Variants in ARHGAP15 observed in about 807,000 individuals in gnomAD.
The protein encoded by ARHGAP15 is Rho GTPase activating protein 15, also known as rho GTPase-activating protein 15.
A neutral mutation model predicts 63.7 loss-of-function variants in ARHGAP15; 51 were observed. That is an observed-to-expected ratio of 0.80 (90% CI 0.64 to 1.01). The LOEUF is 1.01. Ranked by LOEUF, ARHGAP15 falls within the 50% of genes least tolerant of loss-of-function variation. ARHGAP15 has a pLI of 0.00. For synonymous variants in ARHGAP15, 191 were observed against 193.8 expected (o/e 0.99, Z 0.12); for missense variants, 560 against 564.6 (o/e 0.99, Z 0.08).
At chr2:143,448,785 C>G (rs1690263695) in intron 8 of ARHGAP15, among the ~76,000 whole-genome samples, 1 of 151,818 alleles carries the variant, frequency 6.6e-6, no homozygotes, top group Non-Finnish European at 1.5e-5. Flanking sequence ...TATGGCCTCT[C>G]CAGCCCAACC....
chr2:143,667,518 C>T (rs1438090049), intron 12 of ARHGAP15, among the ~76,000 whole-genome samples: 1 of 144,236 alleles, frequency 6.9e-6, no homozygotes, highest in Admixed American at 7.1e-5. Flanking sequence ...CATGTATACA[C>T]ATGTAACTAA....
intron 6 of ARHGAP15, among the ~76,000 whole-genome samples, chr2:143,378,329 A>G (rs1371802813): frequency 6.6e-6 from 1 of 152,078 alleles, no homozygotes; most frequent in Non-Finnish European, 1.5e-5. Context: ...AGTACTTCTA[A>G]AACTTTAAGA....
rs114263314 is a variant in ARHGAP15 at position 143,559,066 on chromosome 2, A to G, written c.1003+2581A>G. ...ATAAAATAGCCCTAGCCTCATATTC[A>G]TTCTAGCTTATAACCAGCTAAAATC... On this transcript the variant is annotated intron_variant, in intron 11 of 13. Transcript: ENST00000295095. Among the ~76,000 whole-genome samples the G allele has an allele frequency of 9.9e-3, 1,511 of 152,292 alleles. 13 individuals are homozygous for G. Among genetic ancestry groups the G allele is most frequent in the Middle Eastern group, 0.041 (12 of 294 alleles).
At chr2:143,688,830 A>AT (rs1011587180) in intron 12 of ARHGAP15, among the ~76,000 whole-genome samples, 3 of 152,214 alleles carry the variant, frequency 2.0e-5, no homozygotes, top group African/African-American at 4.8e-5. Flanking sequence ...CTAAATGTTT[A>AT]TTTTTTTAGT....
intron 12 of ARHGAP15, among the ~76,000 whole-genome samples, chr2:143,664,246 A>T (rs1186169359): frequency 1.3e-5 from 2 of 152,204 alleles, no homozygotes; most frequent in Admixed American, 1.3e-4. Flanking sequence ...TCAAACTAGA[A>T]CTCAGGATTA....
At chr2:143,145,440 T>C (rs1035510435) in intron 1 of ARHGAP15, among the ~76,000 whole-genome samples, 3 of 152,034 alleles carry the variant, frequency 2.0e-5, no homozygotes, top group African/African-American at 7.2e-5. Context: ...AGGTTCTACC[T>C]TTCTATTGCC....
intron 12 of ARHGAP15, among the ~76,000 whole-genome samples, chr2:143,629,199 A>C (rs62897262): frequency 8.6e-5 from 12 of 138,966 alleles, no homozygotes; most frequent in East Asian, 6.5e-4. Flanking sequence ...AAAAAAAAAA[A>C]CCCCATTAAT....
intron 12 of ARHGAP15, among the ~76,000 whole-genome samples, chr2:143,643,802 A>G (rs980120462): frequency 4.6e-5 from 7 of 152,254 alleles, no homozygotes; most frequent in African/African-American, 1.4e-4. Context: ...ACGGTCTTGG[A>G]AGAAATAGAT....
In ARHGAP15 at chr2:143,668,280, C is replaced by CT. The variant is rs60232406; in HGVS notation, c.1139-35126dup. On this transcript the variant is annotated intron_variant, in intron 12 of 13. Transcript: ENST00000295095. ...TACCTTACTGCCTTGATTCTATTTT[C>CT]TTTTTTTTTTTTTCTTTTTTGATCA... Among the ~76,000 whole-genome samples the CT allele has an allele frequency of 9.0e-3, 1,311 of 145,632 alleles. 7 individuals are homozygous for CT. Among genetic ancestry groups the CT allele is most frequent in the Non-Finnish European group, 0.014 (927 of 66,104 alleles).
chr2:143,301,564 A>AT (rs1682896016), intron 6 of ARHGAP15, among the ~76,000 whole-genome samples: 2 of 152,040 alleles, frequency 1.3e-5, no homozygotes, highest in African/African-American at 4.8e-5. Flanking sequence ...ATCTTCATAG[A>AT]GTTTATGATG....
At chr2:143,600,119 A>C (rs1697706243) in intron 11 of ARHGAP15, among the ~76,000 whole-genome samples, 1 of 152,146 alleles carries the variant, frequency 6.6e-6, no homozygotes, top group African/African-American at 2.4e-5. Context: ...ATTTACTTAA[A>C]ATTTTTCTTG....
chr2:143,376,128 A>G (rs188719311), intron 6 of ARHGAP15, among the ~76,000 whole-genome samples: 1 of 152,218 alleles, frequency 6.6e-6, no homozygotes, highest in Non-Finnish European at 1.5e-5. Context: ...AACATTACAG[A>G]TATATTTCAT....
At chr2:143,130,169 T>C (rs1046636200) in intron 1 of ARHGAP15, among the ~76,000 whole-genome samples, 1 of 152,142 alleles carries the variant, frequency 6.6e-6, no homozygotes, top group African/African-American at 2.4e-5. Context: ...AGGTATACTT[T>C]TGTTATTTAT....
chr2:143,331,513 T>C (rs1179927985), intron 6 of ARHGAP15, among the ~76,000 whole-genome samples: 2 of 152,210 alleles, frequency 1.3e-5, no homozygotes, highest in Non-Finnish European at 2.9e-5. Context: ...TGAGTAACTA[T>C]CATTCAATAA....
At chr2:143,332,383 A>G (rs977650663) in intron 6 of ARHGAP15, among the ~76,000 whole-genome samples, 3 of 152,168 alleles carry the variant, frequency 2.0e-5, no homozygotes, top group Admixed American at 6.5e-5. Context: ...CATATTTTTA[A>G]AAAATGCTTA....
chr2:143,320,966 C>G (rs1333142745), intron 6 of ARHGAP15, among the ~76,000 whole-genome samples: 2 of 152,146 alleles, frequency 1.3e-5, no homozygotes, highest in Non-Finnish European at 2.9e-5. Context: ...CACCACCTTG[C>G]AGCCAGCACC....
At chr2:143,646,432 G>A (rs1680882847) in intron 12 of ARHGAP15, among the ~76,000 whole-genome samples, 2 of 151,948 alleles carry the variant, frequency 1.3e-5, no homozygotes, top group Admixed American at 6.6e-5. Flanking sequence ...ACTGTCTGAC[G>A]CCTTTATAAA....
At chr2:143,683,868 A>G (rs1683210019) in intron 12 of ARHGAP15, among the ~76,000 whole-genome samples, 1 of 152,190 alleles carries the variant, frequency 6.6e-6, no homozygotes, top group East Asian at 1.9e-4. Context: ...AATCTTAATC[A>G]CAACCTGCAA....
chr2:143,288,856 A>G (rs1190368453), intron 6 of ARHGAP15, among the ~76,000 whole-genome samples: 4 of 152,092 alleles, frequency 2.6e-5, no homozygotes, highest in Non-Finnish European at 5.9e-5. Context: ...CTACAATCAG[A>G]AATCTCTGAA....
Sources: gnomAD v4.1 joint callset for allele counts (sites outside exome capture counted in the v4.1 genomes callset) on GRCh38, gnomAD v4.1.1 for gene constraint, MANE v1.5 for transcripts, NCBI Gene and HGNC (gene_info 2026-07-23, HGNC 2026-07-21) for gene names.